EPB41: variants seen among roughly 807,000 people sequenced by gnomAD.
The protein encoded by EPB41 is protein 4.1.
A neutral mutation model predicts 108.0 loss-of-function variants in EPB41; 65 were observed. The observed-to-expected ratio is 0.60, with a 90% CI of 0.49 to 0.74. The LOEUF is 0.74. Ranked by LOEUF, EPB41 falls within the 30% of genes least tolerant of loss-of-function variation. The pLI, the probability that EPB41 is intolerant of heterozygous loss-of-function variation, is 0.00. For synonymous variants in EPB41, 336 were observed against 358.9 expected (o/e 0.94, Z 0.72); for missense variants, 875 against 1,037.0 (o/e 0.84, Z 2.15).
Position 28,938,016 on chromosome 1 carries a change from T to C in EPB41, c.-8+23248T>C, listed in dbSNP as rs962962519. The stretch of plus-strand genomic sequence containing the variant: ...TTGCAACCAACTGGATATAGATGTA[T>C]GAGTTTATTTCTGGACTCTCAGTTC... On this transcript the variant is annotated intron_variant, in intron 1 of 20. Transcript: ENST00000343067. Among the ~76,000 whole-genome samples the C allele has an allele frequency of 1.8e-4, 28 of 152,334 alleles. No homozygotes were observed. In the East Asian group the frequency reaches 5.0e-3, roughly 27 times the overall value.
Position 28,933,723 on chromosome 1 carries a change from G to A in EPB41, c.-8+18955G>A, listed in dbSNP as rs889221188. 3.3e-5 allele frequency among the ~76,000 whole-genome samples: 5 copies of A among 152,022 alleles called. No individual in the cohort carries two copies. The East Asian group carries it at 5.8e-4, about 18-fold the overall frequency. On this transcript the variant is annotated intron_variant, in intron 1 of 20. Transcript: ENST00000343067. ...CGGGGTTTGTCTGATTTTTTTCCAC[G>A]ATTAGATAGTAGATTTTTGGGAAGA...
chr1:29,025,292 G>A (rs1460488559), intron 7 of EPB41, among the ~76,000 whole-genome samples: 2 of 151,976 alleles, frequency 1.3e-5, no homozygotes, highest in Non-Finnish European at 2.9e-5. Context: ...ACATAACACT[G>A]GAACACACCG....
chr1:29,014,445 G>A (rs1025893714), intron 5 of EPB41, among the ~76,000 whole-genome samples: 4 of 152,024 alleles, frequency 2.6e-5, no homozygotes, highest in African/African-American at 9.7e-5. Flanking sequence ...AGTATAGTAC[G>A]AGGTAAATCT....
In EPB41 at chr1:28,967,553, C is replaced by T. The variant is rs187016666; in HGVS notation, c.-7-19878C>T. ...TTTCTCTCAAGCTGTAGTATGAATT[C>T]GACCTTCCTTTCTTTCTCCCCCTTC... On this transcript the variant is annotated intron_variant, in intron 1 of 20. Transcript: ENST00000343067. Among the ~76,000 whole-genome samples, 606 of 152,192 alleles carry T rather than the reference C, an allele frequency of 4.0e-3. 16 individuals carry two copies. Among genetic ancestry groups the T allele is most frequent in the Admixed American group, 0.037 (558 of 15,276 alleles).
chr1:28,949,462 A>G (rs1361689657), intron 1 of EPB41, among the ~76,000 whole-genome samples: 1 of 152,132 alleles, frequency 6.6e-6, no homozygotes, highest in Non-Finnish European at 1.5e-5. Context: ...CCATCTCTGT[A>G]TTACTATATA....
chr1:29,111,655 AAAATAAAT>A (rs915849242), intron 18 of EPB41, among the ~76,000 whole-genome samples: 1 of 151,346 alleles, frequency 6.6e-6, no homozygotes, highest in African/African-American at 2.4e-5. Flanking sequence ...TCCGTCTCAA[AAAATAAAT>A]AAATAAATAA....
intron 16 of EPB41, among the ~76,000 whole-genome samples, chr1:29,080,635 C>T (rs889007065): frequency 2.0e-5 from 3 of 152,150 alleles, no homozygotes; most frequent in Admixed American, 1.3e-4. Flanking sequence ...GCCATCCACC[C>T]TCCCCAGCCT....
At chr1:28,901,570 G>T (rs900304875) in intron 1 of EPB41, among the ~76,000 whole-genome samples, 2 of 148,626 alleles carry the variant, frequency 1.3e-5, no homozygotes, top group Admixed American at 1.3e-4. Context: ...GCCTTGCTCT[G>T]TTGCCCAGGC....
chr1:28,897,610 G>A (rs1187073883), intron 1 of EPB41, among the ~76,000 whole-genome samples: 1 of 12,180 alleles, frequency 8.2e-5, no homozygotes. Context: ...AAGGGGAGGG[G>A]AGGGGAGAGG....
intron 1 of EPB41, among the ~76,000 whole-genome samples, chr1:28,919,923 G>C (rs1201332879): frequency 6.6e-6 from 1 of 152,148 alleles, no homozygotes; most frequent in Non-Finnish European, 1.5e-5. Flanking sequence ...AACTGTGATT[G>C]TTTATTGAAT....
intron 1 of EPB41, among the ~76,000 whole-genome samples, chr1:28,905,472 G>C (rs1482265886): frequency 6.6e-6 from 1 of 151,566 alleles, no homozygotes; most frequent in Non-Finnish European, 1.5e-5. Flanking sequence ...ACTCAGCCTG[G>C]GCGACAGAGG....
intron 7 of EPB41, among the ~76,000 whole-genome samples, chr1:29,029,193 T>C (rs1013762818): frequency 2.6e-5 from 4 of 152,180 alleles, no homozygotes; most frequent in Admixed American, 1.3e-4. Flanking sequence ...TTTTAATGAC[T>C]TGAATATACA....
chr1:28,931,409 A>C (rs2093736839), intron 1 of EPB41, among the ~76,000 whole-genome samples: 1 of 151,502 alleles, frequency 6.6e-6, no homozygotes, highest in Non-Finnish European at 1.5e-5. Flanking sequence ...AATAGCACAA[A>C]TATCACAAAA....
At chr1:29,005,312 AG>A (rs951347530) in intron 4 of EPB41, among the ~76,000 whole-genome samples, 10 of 152,120 alleles carry the variant, frequency 6.6e-5, no homozygotes, top group Non-Finnish European at 1.0e-4. Flanking sequence ...ACAACACCAA[AG>A]GGGGAAATCT....
At chr1:28,959,889 CT>C in intron 1 of EPB41, among the ~76,000 whole-genome samples, 1 of 151,242 alleles carries the variant, frequency 6.6e-6, no homozygotes, top group East Asian at 1.9e-4. Flanking sequence ...GTTTGCCAAG[CT>C]GGTTTTTGAA....
chr1:28,919,461 C>T (rs1287494455), intron 1 of EPB41, among the ~76,000 whole-genome samples: 1 of 151,876 alleles, frequency 6.6e-6, no homozygotes, highest in Non-Finnish European at 1.5e-5. Flanking sequence ...CTTAAAAGTC[C>T]TTTCTTTCTT....
chr1:29,022,624 G>C (rs548146168), intron 7 of EPB41, among the ~76,000 whole-genome samples: 1 of 151,898 alleles, frequency 6.6e-6, no homozygotes, highest in Non-Finnish European at 1.5e-5. Flanking sequence ...GGGAGGCTGA[G>C]GCAGGAGAAT....
At chr1:28,888,557 G>A (rs926934846) in intron 1 of EPB41, among the ~76,000 whole-genome samples, 2 of 152,254 alleles carry the variant, frequency 1.3e-5, no homozygotes, top group Non-Finnish European at 2.9e-5. Context: ...GCTCTCCGGG[G>A]TGTCAGACAG....
chr1:28,960,094 G>A (rs577552562), intron 1 of EPB41, among the ~76,000 whole-genome samples: 8 of 151,082 alleles, frequency 5.3e-5, no homozygotes, highest in Non-Finnish European at 1.0e-4. Context: ...CGACCTCCTG[G>A]CTCAAGTAGT....
Sources: gnomAD v4.1 joint callset for allele counts (sites outside exome capture counted in the v4.1 genomes callset) on GRCh38, gnomAD v4.1.1 for gene constraint, MANE v1.5 for transcripts, NCBI Gene and HGNC (gene_info 2026-07-23, HGNC 2026-07-21) for gene names.